Variants in STIM2 observed in about 807,000 individuals in gnomAD.
STIM2 encodes stromal interaction molecule 2.
A neutral mutation model predicts 85.8 loss-of-function variants in STIM2; 31 were observed. That is an observed-to-expected ratio of 0.36 (90% CI 0.27 to 0.49). The LOEUF is 0.49. Among genes scored for constraint, STIM2 ranks in the 20% least tolerant of loss-of-function variants. STIM2 has a pLI of 0.98. For missense variants in STIM2, 841 were observed against 927.6 expected, an observed-to-expected ratio of 0.91 and a Z score of 1.21; for synonymous variants, 356 against 331.1, an observed-to-expected ratio of 1.08 and a Z score of -0.82.
chr4:26,892,197 G>A (rs1723517062), intron 1 of STIM2, among the ~76,000 whole-genome samples: 1 of 152,178 alleles, frequency 6.6e-6, no homozygotes, highest in Non-Finnish European at 1.5e-5. Flanking sequence ...TTTATCAGCA[G>A]CGTGAAAATG....
intron 1 of STIM2, among the ~76,000 whole-genome samples, chr4:26,869,319 A>C (rs1487500704): frequency 1.3e-5 from 2 of 151,188 alleles, no homozygotes; most frequent in African/African-American, 4.9e-5. Context: ...AAAAAAAAAA[A>C]AGGAAGAAAA....
At chr4:26,958,478 T>G (rs535324179) in intron 3 of STIM2, among the ~76,000 whole-genome samples, 37 of 152,120 alleles carry the variant, frequency 2.4e-4, no homozygotes, top group African/African-American at 8.9e-4. Flanking sequence ...CAATTAAGAG[T>G]GTAAAGAAAT....
At chr4:26,861,430 G>T (rs949618230) in intron 1 of STIM2, 61 bp downstream of exon 1, 54 of 1,255,656 alleles carry the variant, frequency 4.3e-5, no homozygotes, top group Non-Finnish European at 5.3e-5. Flanking sequence ...CCCAACCCGT[G>T]CAGAGGTCAG....
intron 1 of STIM2, among the ~76,000 whole-genome samples, chr4:26,905,902 T>G (rs1029885195): frequency 1.3e-5 from 2 of 152,294 alleles, no homozygotes; most frequent in African/African-American, 4.8e-5. Context: ...AATTATATTG[T>G]TTTTGTATTT....
chr4:26,932,097 C>T (rs1437217266), intron 2 of STIM2, among the ~76,000 whole-genome samples: 2 of 152,248 alleles, frequency 1.3e-5, no homozygotes, highest in Non-Finnish European at 1.5e-5. Flanking sequence ...AGAATCTACT[C>T]TTATTATCTT....
intron 1 of STIM2, among the ~76,000 whole-genome samples, chr4:26,880,196 G>A (rs1419140856): frequency 6.6e-6 from 1 of 152,156 alleles, no homozygotes; most frequent in East Asian, 1.9e-4. Flanking sequence ...TGCTGCTGGA[G>A]TATGTGAAAC....
At chr4:26,927,766 A>T (rs868755252) in intron 2 of STIM2, among the ~76,000 whole-genome samples, 18 of 141,282 alleles carry the variant, frequency 1.3e-4, no homozygotes, top group Middle Eastern at 3.7e-3. Context: ...TAAAAAAAAA[A>T]ATATTATTAA....
chr4:26,906,437 TTTG>T (rs1422220882), intron 1 of STIM2, among the ~76,000 whole-genome samples: 6 of 149,880 alleles, frequency 4.0e-5, no homozygotes, highest in African/African-American at 1.5e-4. Context: ...TACAAGTTTG[TTTG>T]TTTTTTTTTT....
At position 27,007,730 on chromosome 4, in the gene STIM2, ATTTG is replaced by A. The variant is rs1560238281; in HGVS notation, c.1149+34_1149+37del. ...TCTCTTGTATTTCAAAATTTACTAA[ATTTG>A]TTTCTTAGGCTGCATTCTTAGAGGG... On this transcript the variant is annotated intron_variant, in intron 8 of 11. Coordinates refer to ENST00000467087, the MANE Select transcript of STIM2 (RefSeq NM_020860.4). 4 of 1,516,372 alleles carry A rather than the reference ATTTG, an allele frequency of 2.6e-6. No individual in the cohort carries two copies. The African/African-American group carries it at 5.6e-5, about 21-fold the overall frequency. The allele number at this position is 1,516,372 out of a possible 1,614,324, so 93.9% of individuals were successfully genotyped here.
intron 1 of STIM2, chr4:26,873,935 GT>G: frequency 7.4e-7 from 1 of 1,348,720 alleles, no homozygotes; most frequent in Non-Finnish European, 1.0e-6. Context: ...AGACAGCTGG[GT>G]GCTCTTCTGG....
At chr4:26,966,673 T>G (rs570108482) in intron 3 of STIM2, among the ~76,000 whole-genome samples, 3 of 152,250 alleles carry the variant, frequency 2.0e-5, no homozygotes, top group African/African-American at 7.2e-5. Context: ...TTGCTCTTTC[T>G]AAAAATTCTA....
At chr4:26,911,731 CAATA>C (rs1174811287) in intron 1 of STIM2, among the ~76,000 whole-genome samples, 1 of 152,140 alleles carries the variant, frequency 6.6e-6, no homozygotes, top group Non-Finnish European at 1.5e-5. Context: ...TATATGCTCT[CAATA>C]AATATTAGTA....
intron 1 of STIM2, among the ~76,000 whole-genome samples, chr4:26,910,217 A>G (rs867632458): frequency 7.2e-5 from 11 of 152,180 alleles, no homozygotes; most frequent in African/African-American, 2.4e-4. Context: ...ACAGTATAAA[A>G]CAGTAGAGAA....
chr4:27,008,562 T>C, intron 9 of STIM2, 34 bp downstream of exon 9: 1 of 1,444,240 alleles, frequency 6.9e-7, no homozygotes, highest in Non-Finnish European at 9.5e-7. Flanking sequence ...ATTTGATTTA[T>C]GTTTATTGTG....
rs1560194672 is a variant in STIM2, at chr4:26,885,859, A to ATATATATATATATATATG, written c.151+24505_151+24506insATGTATATATATATATAT. The stretch of plus-strand genomic sequence containing the variant: ...TATATATATATATATATATATATAT[A>ATATATATATATATATATG]TATATATATATATATGTATATGTCT... On this transcript the variant is annotated intron_variant, in intron 1 of 11. Coordinates refer to ENST00000467087, the MANE Select transcript of STIM2 (RefSeq NM_020860.4). 6.0e-4 allele frequency among the ~76,000 whole-genome samples: 54 copies of ATATATATATATATATATG among 89,376 alleles called. 2 individuals are homozygous for ATATATATATATATATATG. The highest frequency in any genetic ancestry group is 7.9e-4 in the South Asian group (2 of 2,544). 58.6% of individuals were successfully genotyped at this position (89,376 alleles called of 152,430 possible).
At chr4:26,961,565 G>A (rs755496919) in intron 3 of STIM2, among the ~76,000 whole-genome samples, 1 of 152,066 alleles carries the variant, frequency 6.6e-6, no homozygotes, top group Non-Finnish European at 1.5e-5. Flanking sequence ...GCAAATTGCT[G>A]GGTAGGAAAG....
chr4:26,927,756 TAA>T (rs200087744), intron 2 of STIM2, among the ~76,000 whole-genome samples: 14,814 of 116,312 alleles, frequency 0.13, 1,536 homozygotes, highest in African/African-American at 0.3. Flanking sequence ...GCTAAACCCT[TAA>T]AAAAAAAAAT....
At chr4:26,885,821 T>TTATATATATATATATATATATATATATA (rs56851120) in intron 1 of STIM2, among the ~76,000 whole-genome samples, 2 of 84,642 alleles carry the variant, frequency 2.4e-5, no homozygotes, top group Non-Finnish European at 5.3e-5. Context: ...GCACCTCAGG[T>TTATATATATATATATATATATATATATA]TATATATATA....
In STIM2 at chr4:26,897,562, T is replaced by G. The variant is rs534558462; in HGVS notation, c.152-21942T>G. 1.1e-4 allele frequency among the ~76,000 whole-genome samples: 17 copies of G among 152,316 alleles called. No individual in the cohort carries two copies. In the East Asian group the frequency reaches 2.7e-3, roughly 24 times the overall value. On this transcript the variant is annotated intron_variant, in intron 1 of 11. Transcript: ENST00000467087. ...TTCAAGAGTTATGACGTTTTTGCTCTTTTGTTTCTTTTGAGTATTTCAAAG... is the reference window on the plus strand; with the variant it reads ...TTCAAGAGTTATGACGTTTTTGCTCGTTTGTTTCTTTTGAGTATTTCAAAG...
Sources: gnomAD v4.1 joint callset for allele counts (sites outside exome capture counted in the v4.1 genomes callset) on GRCh38, gnomAD v4.1.1 for gene constraint, MANE v1.5 for transcripts, NCBI Gene and HGNC (gene_info 2026-07-23, HGNC 2026-07-21) for gene names.